SNX29: variants seen among roughly 807,000 people sequenced by gnomAD.
SNX29 encodes the protein sorting nexin 29, also known as sorting nexin-29.
Under a neutral mutation model 102.1 loss-of-function variants are expected in SNX29, and 78 were observed. That is an observed-to-expected ratio of 0.76 (90% CI 0.64 to 0.92). The LOEUF (loss-of-function observed/expected upper bound fraction) is 0.92. Ranked by LOEUF, SNX29 falls within the 40% of genes least tolerant of loss-of-function variation. The probability of loss-of-function intolerance (pLI) is 0.00; values close to 1 mark genes in which losing one functional copy is unlikely to be tolerated. For synonymous variants in SNX29, 580 were observed against 414.5 expected (o/e 1.40, Z -4.85); for missense variants, 1,280 against 1,061.7 (o/e 1.21, Z -2.86).
chr16:12,123,173 G>T (rs2054051459), intron 11 of SNX29, among the ~76,000 whole-genome samples: 2 of 152,066 alleles, frequency 1.3e-5, no homozygotes. Flanking sequence ...TATGTATTCA[G>T]GGCATACAAC....
At chr16:12,547,989 C>G (rs552606202) in intron 20 of SNX29, among the ~76,000 whole-genome samples, 2 of 152,252 alleles carry the variant, frequency 1.3e-5, no homozygotes, top group East Asian at 1.9e-4. Context: ...GCACAGGGGT[C>G]TCGAGTGAAC....
At chr16:12,539,155 C>G (rs959898697) in intron 20 of SNX29, among the ~76,000 whole-genome samples, 6 of 152,158 alleles carry the variant, frequency 3.9e-5, no homozygotes, top group African/African-American at 1.4e-4. Context: ...TTGACTTTTG[C>G]TCTTGTTCAT....
At chr16:12,565,409 C>G (rs1348892488) in intron 20 of SNX29, among the ~76,000 whole-genome samples, 1 of 149,840 alleles carries the variant, frequency 6.7e-6, no homozygotes, top group Non-Finnish European at 1.5e-5. Context: ...TCAACTTGTC[C>G]CAAATGAAGC....
At chr16:12,166,912 AG>A (rs1344588863) in intron 13 of SNX29, among the ~76,000 whole-genome samples, 1 of 152,216 alleles carries the variant, frequency 6.6e-6, no homozygotes, top group Non-Finnish European at 1.5e-5. Context: ...AAGCCCTACT[AG>A]GAAGAAGAAA....
intron 18 of SNX29, among the ~76,000 whole-genome samples, chr16:12,475,221 A>G (rs1382085437): frequency 6.6e-6 from 1 of 152,228 alleles, no homozygotes; most frequent in Non-Finnish European, 1.5e-5. Flanking sequence ...CCCACTCGTC[A>G]GAATCACTGG....
At chr16:12,413,913 A>AC (rs937025216) in intron 18 of SNX29, among the ~76,000 whole-genome samples, 15 of 152,162 alleles carry the variant, frequency 9.9e-5, no homozygotes, top group East Asian at 5.8e-4. Flanking sequence ...TGGTTCCGGG[A>AC]CCCCCCATGG....
At chr16:12,512,148 C>T (rs1461263138) in intron 19 of SNX29, among the ~76,000 whole-genome samples, 3 of 151,496 alleles carry the variant, frequency 2.0e-5, no homozygotes, top group Non-Finnish European at 4.4e-5. Context: ...AGCTGTCCCC[C>T]AGGGGATGTA....
At chr16:12,437,521 C>T (rs528958956) in intron 18 of SNX29, among the ~76,000 whole-genome samples, 2 of 152,212 alleles carry the variant, frequency 1.3e-5, no homozygotes, top group Non-Finnish European at 2.9e-5. Flanking sequence ...TCAGGACATA[C>T]ATATGAAGTA....
chr16:12,545,908 C>G lies in SNX29; in HGVS notation c.2318+21067C>G, dbSNP rs577447200. The stretch of plus-strand genomic sequence containing the variant: ...ATTGGGGTGGGGTACCTGGAGCATT[C>G]TAGGTGTTCGGGGCTATTAATATTT... On this transcript the variant is annotated intron_variant, in intron 20 of 20. Coordinates refer to ENST00000566228, the MANE Select transcript of SNX29 (RefSeq NM_032167.5). 6.6e-5 allele frequency among the ~76,000 whole-genome samples: 10 copies of G among 152,246 alleles called. No homozygotes were observed. In the East Asian group the frequency reaches 1.2e-3, roughly 18 times the overall value.
chr16:12,170,390 C>A (rs967151218), intron 13 of SNX29, among the ~76,000 whole-genome samples: 1 of 151,916 alleles, frequency 6.6e-6, no homozygotes, highest in Non-Finnish European at 1.5e-5. Flanking sequence ...TGGATCCAGA[C>A]CCATGGAGCA....
chr16:12,278,103 G>T, intron 15 of SNX29, 67 bp downstream of exon 15: 1 of 1,409,132 alleles, frequency 7.1e-7, no homozygotes, highest in Non-Finnish European at 9.8e-7. Flanking sequence ...TTCCAGGGTA[G>T]GTCCAGCCTA....
At position 12,014,209 on chromosome 16, in the gene SNX29, G is replaced by C. The variant is rs139647335; in HGVS notation, c.122+11166G>C. 4.5e-3 allele frequency among the ~76,000 whole-genome samples: 692 copies of C among 152,142 alleles called. 8 individuals are homozygous for C. Among genetic ancestry groups the C allele is most frequent in the African/African-American group, 0.016 (645 of 41,494 alleles). ...GACTATTGGCTTCATGTGATTTCTC[G>C]TGTCTCATTTATTCACGCCTGCATC... On this transcript the variant is annotated intron_variant, in intron 3 of 20. Coordinates refer to ENST00000566228, the MANE Select transcript of SNX29 (RefSeq NM_032167.5).
rs753677737 is a variant in SNX29 at position 12,477,811 on chromosome 16, T to A, written c.2130T>A (p.Pro710=). Residue 710 remains proline, a synonymous_variant, in exon 19 of 21, where the codon CCT becomes CCA. Coordinates refer to ENST00000566228, the MANE Select transcript of SNX29 (RefSeq NM_032167.5). ...ACCACAAGTTACAAAACAAGTACCCTCAAGTGAGGGCCTACAACTTCCCAC... is the reference window on the plus strand; with the variant it reads ...ACCACAAGTTACAAAACAAGTACCCACAAGTGAGGGCCTACAACTTCCCAC... ...SLHHKLQNKY[P]QVRAYNFPPK... is the part of the protein sequence containing the mutation. 6.2e-7 allele frequency: 1 copy of A among 1,613,212 alleles called. No individual in the cohort carries two copies. The highest frequency in any genetic ancestry group is 1.7e-5 in the Admixed American group (1 of 59,758).
At chr16:12,442,363 C>T (rs978776991) in intron 18 of SNX29, among the ~76,000 whole-genome samples, 2 of 152,212 alleles carry the variant, frequency 1.3e-5, no homozygotes, top group African/African-American at 2.4e-5. Flanking sequence ...TCTATTCACT[C>T]TCCTAACCCT....
chr16:12,521,886 C>G (rs2090114878), intron 19 of SNX29, among the ~76,000 whole-genome samples: 1 of 152,234 alleles, frequency 6.6e-6, no homozygotes. Flanking sequence ...ACATAGCCCG[C>G]CTCCTGCCAG....
rs540951410 is a variant in SNX29, at chr16:12,557,858, C to T, written c.2319-10648C>T. On this transcript the variant is annotated intron_variant, in intron 20 of 20. Transcript: ENST00000566228. ...CATCATCAATGTGACATGACCATAG[C>T]CATTCCAGCGAGTGGAGGAGGGCCT... 6.6e-5 allele frequency among the ~76,000 whole-genome samples: 10 copies of T among 152,286 alleles called. No homozygotes were observed. The East Asian group carries it at 1.7e-3, about 26-fold the overall frequency.
chr16:12,507,729 A>G (rs925000869), intron 19 of SNX29, among the ~76,000 whole-genome samples: 8 of 152,254 alleles, frequency 5.3e-5, no homozygotes, highest in Non-Finnish European at 1.0e-4. Context: ...ACCTTTGTCT[A>G]GAGTATATAG....
At chr16:12,357,069 C>T (rs1053797533) in intron 16 of SNX29, among the ~76,000 whole-genome samples, 1 of 152,226 alleles carries the variant, frequency 6.6e-6, no homozygotes, top group African/African-American at 2.4e-5. Flanking sequence ...TTTGCTATTA[C>T]AAACCACAAT....
chr16:12,288,480 G>C (rs888542764), intron 15 of SNX29, among the ~76,000 whole-genome samples: 3 of 152,160 alleles, frequency 2.0e-5, no homozygotes, highest in Non-Finnish European at 4.4e-5. Context: ...CAGTCCCGGA[G>C]CTGTAACTCC....
Sources: gnomAD v4.1 joint callset for allele counts (sites outside exome capture counted in the v4.1 genomes callset) on GRCh38, gnomAD v4.1.1 for gene constraint, MANE v1.5 for transcripts, NCBI Gene and HGNC (gene_info 2026-07-23, HGNC 2026-07-21) for gene names.